The following ANKFN1 variants were observed in gnomAD, a reference collection of about 807,000 sequenced individuals.
The protein encoded by ANKFN1 is ankyrin repeat and fibronectin type III domain containing 1, also known as ankyrin repeat and fibronectin type-III domain-containing protein 1.
Under a neutral mutation model 108.7 loss-of-function variants are expected in ANKFN1, and 74 were observed. That is an observed-to-expected ratio of 0.68 (90% CI 0.56 to 0.83). The LOEUF is 0.83. Ranked by LOEUF, ANKFN1 falls within the 40% of genes least tolerant of loss-of-function variation. The pLI is 0.00. For synonymous variants in ANKFN1, 547 were observed against 516.2 expected (o/e 1.06, Z -0.81); for missense variants, 1,505 against 1,382.3 (o/e 1.09, Z -1.41).
chr17:56,169,551 G>A (rs948455660), intron 1 of ANKFN1, among the ~76,000 whole-genome samples: 1 of 152,168 alleles, frequency 6.6e-6, no homozygotes, highest in African/African-American at 2.4e-5. Context: ...TTATAGGCAT[G>A]AGCAACGAAG....
At chr17:56,367,344 A>T (rs1278491767) in intron 6 of ANKFN1, among the ~76,000 whole-genome samples, 5 of 152,176 alleles carry the variant, frequency 3.3e-5, no homozygotes, top group Admixed American at 1.3e-4. Context: ...CATAGGTTAG[A>T]TTCTAATGGT....
chr17:56,363,675 A>C (rs547863399), intron 6 of ANKFN1, among the ~76,000 whole-genome samples: 1 of 152,208 alleles, frequency 6.6e-6, no homozygotes, highest in Non-Finnish European at 1.5e-5. Context: ...TAACCTAAGT[A>C]TCAATTAACA....
chr17:56,197,813 G>C (rs1203103689), intron 1 of ANKFN1, among the ~76,000 whole-genome samples: 2 of 152,174 alleles, frequency 1.3e-5, no homozygotes, highest in Non-Finnish European at 2.9e-5. Context: ...TTGCACCAGG[G>C]ACCAGTTTCG....
chr17:56,236,124 CT>C (rs1917122684), intron 3 of ANKFN1, among the ~76,000 whole-genome samples: 1 of 151,896 alleles, frequency 6.6e-6, no homozygotes, highest in African/African-American at 2.4e-5. Context: ...GTGGCATGAT[CT>C]TGGCTCACTG....
chr17:56,086,033 A>G (rs1378794531), intron 4 of ANKFN1, among the ~76,000 whole-genome samples: 1 of 151,096 alleles, frequency 6.6e-6, no homozygotes, highest in Non-Finnish European at 1.5e-5. Flanking sequence ...TAAATAAATA[A>G]TTAGAATAAA....
chr17:56,419,369 G>C (rs1487448104), intron 8 of ANKFN1, among the ~76,000 whole-genome samples: 1 of 151,992 alleles, frequency 6.6e-6, no homozygotes, highest in Admixed American at 6.6e-5. Context: ...TGTAATCCCA[G>C]CTACTCAGGA....
At chr17:56,468,522 CA>C (rs1177807979) in intron 15 of ANKFN1, among the ~76,000 whole-genome samples, 3 of 151,980 alleles carry the variant, frequency 2.0e-5, no homozygotes, top group Non-Finnish European at 4.4e-5. Flanking sequence ...CCCCTGCAAG[CA>C]GTAGCATATC....
chr17:56,441,175 A>G (rs2049091118), intron 9 of ANKFN1, among the ~76,000 whole-genome samples: 1 of 152,220 alleles, frequency 6.6e-6, no homozygotes, highest in Non-Finnish European at 1.5e-5. Flanking sequence ...TTTTTTCTCA[A>G]AATATTTTAA....
chr17:56,324,306 ATACT>A (rs1159021925), intron 3 of ANKFN1, among the ~76,000 whole-genome samples: 3 of 152,208 alleles, frequency 2.0e-5, no homozygotes, highest in Non-Finnish European at 2.9e-5. Context: ...AACCTACTAA[ATACT>A]TACTAAATGT....
chr17:56,494,747 CTT>C (rs907407922), intron 19 of ANKFN1, among the ~76,000 whole-genome samples: 2 of 152,072 alleles, frequency 1.3e-5, no homozygotes, highest in African/African-American at 4.8e-5. Context: ...CGTTTTATGA[CTT>C]AACAACCAGA....
intron 4 of ANKFN1, among the ~76,000 whole-genome samples, chr17:56,132,928 G>T (rs1384842859): frequency 1.3e-5 from 2 of 152,102 alleles, no homozygotes; most frequent in Non-Finnish European, 2.9e-5. Flanking sequence ...ATGAATTTTG[G>T]GGGGAAACAA....
intron 15 of ANKFN1, among the ~76,000 whole-genome samples, chr17:56,467,731 G>GAAAGAAAGAAAC (rs1450715913): frequency 1.7e-5 from 2 of 120,710 alleles, no homozygotes; most frequent in African/African-American, 7.3e-5. Flanking sequence ...AAGAAAGAGA[G>GAAAGAAAGAAAC]AAAGAAAGAA....
intron 15 of ANKFN1, among the ~76,000 whole-genome samples, chr17:56,477,041 G>A (rs1011891981): frequency 2.6e-5 from 4 of 152,048 alleles, no homozygotes; most frequent in African/African-American, 9.7e-5. Context: ...TTTCTTAAAC[G>A]ACTTTTCCAT....
At chr17:56,268,327 A>G (rs995805321) in intron 3 of ANKFN1, among the ~76,000 whole-genome samples, 1 of 152,220 alleles carries the variant, frequency 6.6e-6, no homozygotes, top group African/African-American at 2.4e-5. Context: ...CTCCTGAATG[A>G]CCTTTGGGTA....
At chr17:56,143,309 A>T (rs1041265878) in intron 4 of ANKFN1, among the ~76,000 whole-genome samples, 1 of 152,066 alleles carries the variant, frequency 6.6e-6, no homozygotes, top group Non-Finnish European at 1.5e-5. Context: ...TCCTGCCAAC[A>T]CTCAAGTGCC....
chr17:56,364,066 A>G (rs943133370), intron 6 of ANKFN1, among the ~76,000 whole-genome samples: 6 of 152,174 alleles, frequency 3.9e-5, no homozygotes, highest in Non-Finnish European at 5.9e-5. Flanking sequence ...AAAATTGGTA[A>G]AAGAGTAAAT....
intron 4 of ANKFN1, among the ~76,000 whole-genome samples, chr17:56,338,460 A>G (rs1342696362): frequency 1.3e-5 from 2 of 152,116 alleles, no homozygotes; most frequent in Admixed American, 1.3e-4. Flanking sequence ...ATTTTAAAGA[A>G]TGGAATAAAA....
intron 4 of ANKFN1, among the ~76,000 whole-genome samples, chr17:56,104,267 G>A (rs1905700892): frequency 6.6e-6 from 1 of 152,192 alleles, no homozygotes; most frequent in Non-Finnish European, 1.5e-5. Context: ...CAAAGCACAA[G>A]GCATTCCAAT....
At chr17:56,382,090 G>A (rs533125258) in intron 8 of ANKFN1, among the ~76,000 whole-genome samples, 9 of 152,246 alleles carry the variant, frequency 5.9e-5, no homozygotes, top group East Asian at 3.9e-4. Flanking sequence ...CGGATCTCTC[G>A]TTACCCACAA....
Sources: allele counts gnomAD v4.1 joint callset (sites outside exome capture counted in the v4.1 genomes callset), GRCh38; gene constraint gnomAD v4.1.1; transcripts MANE v1.5; gene names NCBI Gene and HGNC (gene_info 2026-07-23, HGNC 2026-07-21).